Variants in RIMS4 observed in about 807,000 individuals in gnomAD.
RIMS4 encodes the protein regulating synaptic membrane exocytosis protein 4.
Under a neutral mutation model 29.0 loss-of-function variants are expected in RIMS4, and 9 were observed. The ratio of observed to expected loss-of-function variants is 0.31; its 90% CI spans 0.19 to 0.54. RIMS4 has a LOEUF of 0.54. Among genes scored for constraint, RIMS4 ranks in the 20% least tolerant of loss-of-function variants. The pLI is 0.94. For synonymous variants in RIMS4, 130 were observed against 152.9 expected (o/e 0.85, Z 1.10); for missense variants, 193 against 365.7 (o/e 0.53, Z 3.85).
chr20:44,775,558 G>A (rs904549533), intron 1 of RIMS4, among the ~76,000 whole-genome samples: 1 of 152,200 alleles, frequency 6.6e-6, no homozygotes, highest in Admixed American at 6.5e-5. Context: ...ACAACTCTGA[G>A]GCTTCACGCA....
chr20:44,783,714 G>A (rs79006527), intron 1 of RIMS4, among the ~76,000 whole-genome samples: 1,601 of 151,972 alleles, frequency 0.011, 38 homozygotes, highest in African/African-American at 0.036. Flanking sequence ...GCAAGTGAAA[G>A]AAGCTGGTCA....
chr20:44,795,188 G>A (rs2066249305), intron 1 of RIMS4, among the ~76,000 whole-genome samples: 1 of 152,220 alleles, frequency 6.6e-6, no homozygotes, highest in Admixed American at 6.5e-5. Flanking sequence ...GGGCTTCACA[G>A]GTGTCCTCTC....
At chr20:44,804,324 G>T (rs545762750) in intron 1 of RIMS4, among the ~76,000 whole-genome samples, 2 of 152,308 alleles carry the variant, frequency 1.3e-5, no homozygotes, top group East Asian at 3.9e-4. Context: ...GGCTCAGGAA[G>T]GTTAAGAGAC....
In RIMS4 at chr20:44,758,083, G is replaced by A; in HGVS notation, c.338C>T (p.Thr113Ile). Residue 113 changes from threonine (T) to isoleucine (I), a missense_variant, in exon 3 of 6, where the codon ACC (threonine) becomes ATC (isoleucine). Transcript: ENST00000372851. ...AQFVGRQTLA[T>I]TPMGDVEIGL... ...CTTGGGGCACTCACCCATGGGTGTG[G>A]TGGCCAGGGTCTGGCGGCCCACAAA... 1.2e-6 allele frequency: 2 copies of A among 1,609,294 alleles called. No individual in the cohort carries two copies. The highest frequency in any genetic ancestry group is 1.7e-6 in the Non-Finnish European group (2 of 1,177,078).
intron 2 of RIMS4, among the ~76,000 whole-genome samples, chr20:44,764,175 C>CATTT (rs370913399): frequency 9.9e-5 from 13 of 131,880 alleles, no homozygotes; most frequent in African/African-American, 3.3e-4. Flanking sequence ...TCCATCCATC[C>CATTT]ATCCATCCAT....
intron 1 of RIMS4, among the ~76,000 whole-genome samples, chr20:44,777,897 A>G (rs2066167270): frequency 6.6e-6 from 1 of 152,160 alleles, no homozygotes; most frequent in Non-Finnish European, 1.5e-5. Flanking sequence ...TGACTGGGTT[A>G]TTTTAAACCA....
At chr20:44,759,736 A>C (rs2066076154) in intron 2 of RIMS4, among the ~76,000 whole-genome samples, 1 of 152,264 alleles carries the variant, frequency 6.6e-6, no homozygotes, top group Admixed American at 6.5e-5. Context: ...TGGAGACTAA[A>C]AGTCACAAGA....
intron 1 of RIMS4, among the ~76,000 whole-genome samples, chr20:44,787,169 G>A (rs908278144): frequency 6.6e-6 from 1 of 152,154 alleles, no homozygotes; most frequent in South Asian, 2.1e-4. Context: ...CGAAGGAGAC[G>A]AGAGTGGCTG....
intron 1 of RIMS4, among the ~76,000 whole-genome samples, chr20:44,781,376 G>A (rs1464025352): frequency 6.6e-6 from 1 of 152,204 alleles, no homozygotes; most frequent in Non-Finnish European, 1.5e-5. Flanking sequence ...GGTAATTAAT[G>A]CAGCACTGGA....
Position 44,756,401 on chromosome 20 carries a change from A to C in RIMS4, c.592-49T>G, listed in dbSNP as rs2066060340. On this transcript the variant is annotated intron_variant, in intron 5 of 5. Coordinates refer to ENST00000372851, the MANE Select transcript of RIMS4 (RefSeq NM_182970.4). The surrounding 1 kb of genome is among the most constrained non-coding windows in gnomAD (Gnocchi z 5.9). Reference sequence around the variant, plus strand: ...TTCAAATCCTGCCAGTGCCACTCACAGGCCCAGAAGCAGAACCTGGGTCGC... The same window carrying C: ...TTCAAATCCTGCCAGTGCCACTCACCGGCCCAGAAGCAGAACCTGGGTCGC... 1 of 1,522,920 alleles carries C rather than the reference A, an allele frequency of 6.6e-7. No homozygotes were observed. The highest frequency in any genetic ancestry group is 9.0e-7 in the Non-Finnish European group (1 of 1,109,436). The allele number at this position is 1,522,920 out of a possible 1,614,324, so 94.3% of individuals were successfully genotyped here.
At position 44,787,136 on chromosome 20, in the gene RIMS4, G is replaced by A. The variant is rs148642395; in HGVS notation, c.98-15723C>T. ...ACAGGGAACAGAAACGTAAAGGCCCGTGGCAGACATGTCTGGTATGTTCGA... is the reference window on the plus strand; with the variant it reads ...ACAGGGAACAGAAACGTAAAGGCCCATGGCAGACATGTCTGGTATGTTCGA... On this transcript the variant is annotated intron_variant, in intron 1 of 5. Transcript: ENST00000372851. 1.5e-4 allele frequency among the ~76,000 whole-genome samples: 23 copies of A among 152,276 alleles called. No homozygotes were observed. In the East Asian group the frequency reaches 3.3e-3, roughly 22 times the overall value.
At chr20:44,788,699 C>A (rs2066219533) in intron 1 of RIMS4, among the ~76,000 whole-genome samples, 2 of 152,006 alleles carry the variant, frequency 1.3e-5, no homozygotes, top group Non-Finnish European at 2.9e-5. Context: ...GAATTCAAGG[C>A]TGCAGTGAGC....
chr20:44,779,545 G>A (rs762391231), intron 1 of RIMS4, among the ~76,000 whole-genome samples: 6 of 152,138 alleles, frequency 3.9e-5, no homozygotes, highest in Non-Finnish European at 8.8e-5. Context: ...ACGTTTGTGG[G>A]GTTCATCCAT....
chr20:44,772,874 G>C (rs929822579), intron 1 of RIMS4, among the ~76,000 whole-genome samples: 2 of 152,146 alleles, frequency 1.3e-5, no homozygotes, highest in Non-Finnish European at 2.9e-5. Context: ...GCTCCCGCCG[G>C]CCTTCTCCTG....
chr20:44,795,857 A>T (rs1354871431), intron 1 of RIMS4, among the ~76,000 whole-genome samples: 4 of 152,184 alleles, frequency 2.6e-5, no homozygotes, highest in African/African-American at 7.2e-5. Flanking sequence ...CAGACTCTGA[A>T]GCCCTTAATT....
chr20:44,755,893 C>T lies in RIMS4; in HGVS notation c.*241G>A, dbSNP rs2066057357. On this transcript the variant is annotated 3_prime_UTR_variant, in exon 6 of 6. Transcript: ENST00000372851. ...TTTCTCTGGACTGCAGCCACATCCA[C>T]CAGGTCAAGAACCGGCCAAGTCAAA... 4.0e-6 allele frequency: 2 copies of T among 500,506 alleles called. No homozygotes were observed. The highest frequency in any genetic ancestry group is 7.2e-6 in the Non-Finnish European group (2 of 278,618). 31.0% of individuals were successfully genotyped at this position (500,506 alleles called of 1,614,324 possible). A position where few individuals can be genotyped will look rare whatever the true frequency, so the allele number is the denominator to read the frequency against.
Position 44,810,528 on chromosome 20 carries a change from T to TGGC in RIMS4, c.-260_-258dup, listed in dbSNP as rs1187637592. Among the ~76,000 whole-genome samples, 1 of 133,222 alleles carries TGGC rather than the reference T, an allele frequency of 7.5e-6. No individual in the cohort carries two copies. Among genetic ancestry groups the TGGC allele is most frequent in the Non-Finnish European group, 1.6e-5 (1 of 62,002 alleles). The allele number at this position is 133,222 out of a possible 152,430, so 87.4% of individuals were successfully genotyped here. Reference sequence around the variant, plus strand: ...GCGGCGGCGGCGGTGGCGGCGGCGGTGGCGGCGCAGCGCGCTCTGGTCCGC... The same window carrying TGGC: ...GCGGCGGCGGCGGTGGCGGCGGCGGTGGCGGCGGCGCAGCGCGCTCTGGTCCGC... On this transcript the variant is annotated 5_prime_UTR_variant, in exon 1 of 6. Coordinates refer to ENST00000372851, the MANE Select transcript of RIMS4 (RefSeq NM_182970.4).
intron 2 of RIMS4, among the ~76,000 whole-genome samples, chr20:44,761,679 C>T (rs2066085859): frequency 6.6e-6 from 1 of 152,198 alleles, no homozygotes; most frequent in Admixed American, 6.5e-5. Flanking sequence ...AGCTCCCACA[C>T]TCGGGTTGCC....
chr20:44,754,515 A>T lies in RIMS4; in HGVS notation c.*1619T>A, dbSNP rs1259361251. The T allele has an allele frequency of 6.4e-6, 1 of 155,072 alleles. No homozygotes were observed. The highest frequency in any genetic ancestry group is 1.4e-5 in the Non-Finnish European group (1 of 69,246). The allele number at this position is 155,072 out of a possible 1,614,324, so 9.6% of individuals were successfully genotyped here. A position where few individuals can be genotyped will look rare whatever the true frequency, so the allele number is the denominator to read the frequency against. ...CCTCTGCCAAGGTCCTACAACCCTT[A>T]GGAGTCCCTCATAAAGAAAGTCAGT... On this transcript the variant is annotated 3_prime_UTR_variant, in exon 6 of 6. Transcript: ENST00000372851.
Sources: allele counts gnomAD v4.1 joint callset (sites outside exome capture counted in the v4.1 genomes callset), GRCh38; gene constraint gnomAD v4.1.1; non-coding constraint Gnocchi (gnomAD v3.1); transcripts MANE v1.5; gene names NCBI Gene and HGNC (gene_info 2026-07-23, HGNC 2026-07-21).